CPM: variants seen among roughly 807,000 people sequenced by gnomAD.
CPM encodes renal carboxypeptidase.
In CPM, 35 loss-of-function variants were observed where a neutral mutation model predicts 46.4. The observed-to-expected ratio is 0.75, with a 90% CI of 0.58 to 1.00. The LOEUF (loss-of-function observed/expected upper bound fraction) is 1.00, where lower values mean the gene tolerates loss of function less well. Among genes scored for constraint, CPM ranks in the 50% least tolerant of loss-of-function variants. The probability of loss-of-function intolerance (pLI) is 0.00; values close to 1 mark genes in which losing one functional copy is unlikely to be tolerated. For missense variants in CPM, 422 were observed against 530.4 expected (o/e 0.80, Z 2.01); for synonymous variants, 195 against 195.3 (o/e 1.00, Z 0.01).
At chr12:68,910,987 T>G (rs1246325381) in intron 2 of CPM, among the ~76,000 whole-genome samples, 1 of 152,186 alleles carries the variant, frequency 6.6e-6, no homozygotes, top group East Asian at 1.9e-4. Flanking sequence ...AAATACCTTG[T>G]TTTTCTCTGT....
At chr12:68,865,554 T>C (rs187999530) in intron 7 of CPM, among the ~76,000 whole-genome samples, 1 of 152,162 alleles carries the variant, frequency 6.6e-6, no homozygotes, top group East Asian at 1.9e-4. Flanking sequence ...ATGCAGAAAA[T>C]TCCGGGAATT....
intron 1 of CPM, among the ~76,000 whole-genome samples, chr12:68,958,138 G>A (rs1372043843): frequency 1.3e-5 from 2 of 152,104 alleles, no homozygotes; most frequent in East Asian, 3.8e-4. Flanking sequence ...TGTGAATAGT[G>A]CCGCAATAAA....
At chr12:68,929,478 T>C (rs982703793) in intron 2 of CPM, among the ~76,000 whole-genome samples, 1 of 152,160 alleles carries the variant, frequency 6.6e-6, no homozygotes, top group Non-Finnish European at 1.5e-5. Context: ...CATCAGTACT[T>C]TTTTGCTTCT....
upstream of CPM, among the ~76,000 whole-genome samples, chr12:68,935,636 G>GT (rs35183489): frequency 0.12 from 16,940 of 145,556 alleles, 957 homozygotes; most frequent in Non-Finnish European, 0.12. Context: ...CTTTGAGTAG[G>GT]TTTTTTTTTT....
Position 68,871,895 on chromosome 12 carries a change from T to A in CPM, c.320A>T (p.Asp107Val). ...ATTGATCAGATTTGTGATTTCAGGGTCTTTGCCATCACTGGTTACGAGATA... is the reference window on the plus strand; with the variant it reads ...ATTGATCAGATTTGTGATTTCAGGGACTTTGCCATCACTGGTTACGAGATA... Reference protein sequence around the residue: ...IDYLVTSDGKDPEITNLINST... With the variant: ...IDYLVTSDGKVPEITNLINST... Residue 107 changes from aspartate to valine, a missense_variant, in exon 4 of 9, where the codon GAC becomes GTC. Physicochemically the swap from Asp to Val is radical, Grantham distance 152. Coordinates refer to ENST00000551568, the MANE Select transcript of CPM (RefSeq NM_198320.5). The A allele has an allele frequency of 1.2e-6, 2 of 1,614,066 alleles. No individual in the cohort carries two copies. Among genetic ancestry groups the A allele is most frequent in the Non-Finnish European group, 1.7e-6 (2 of 1,180,010 alleles).
intron 8 of CPM, among the ~76,000 whole-genome samples, chr12:68,858,038 C>A (rs1885050105): frequency 6.6e-6 from 1 of 152,050 alleles, no homozygotes; most frequent in Non-Finnish European, 1.5e-5. Context: ...TGGGGAGAAC[C>A]CATGGAGCAT....
Position 68,871,742 on chromosome 12 carries a change from G to A in CPM, c.431+42C>T, listed in dbSNP as rs1417931313. 5 of 1,607,986 alleles carry A rather than the reference G, an allele frequency of 3.1e-6. No individual in the cohort carries two copies. The East Asian group carries it at 6.7e-5, about 22-fold the overall frequency. On this transcript the variant is annotated intron_variant, in intron 4 of 8. Transcript: ENST00000551568. ...ACAGGTGCCTGTCGGGAGCCTTTGTGTTGTGTTGTTTTCAAGTAAAGATAG... is the reference window on the plus strand; with the variant it reads ...ACAGGTGCCTGTCGGGAGCCTTTGTATTGTGTTGTTTTCAAGTAAAGATAG...
rs148008945 is a variant in CPM, at chr12:68,894,307, C to A, written c.161-8418G>T. Among the ~76,000 whole-genome samples, 596 of 152,266 alleles carry A rather than the reference C, an allele frequency of 3.9e-3. 4 individuals carry two copies. Among genetic ancestry groups the A allele is most frequent in the African/African-American group, 0.014 (562 of 41,542 alleles). ...TCACTGCTAACCTAACGGTGCCTGG[C>A]GCACTGTAGGTTTCAATTAGTATCT... is the stretch of plus-strand genomic sequence containing the variant. On this transcript the variant is annotated intron_variant, in intron 2 of 8. Coordinates refer to ENST00000551568, the MANE Select transcript of CPM (RefSeq NM_198320.5).
At position 68,865,487 on chromosome 12, in the gene CPM, C is replaced by T. The variant is rs371291521; in HGVS notation, c.940+1409G>A. 1.8e-4 allele frequency among the ~76,000 whole-genome samples: 28 copies of T among 152,308 alleles called. No homozygotes were observed. In the East Asian group the frequency reaches 4.1e-3, roughly 22 times the overall value. On this transcript the variant is annotated intron_variant, in intron 7 of 8. Coordinates refer to ENST00000551568, the MANE Select transcript of CPM (RefSeq NM_198320.5). ...CACTCAGCCCTCTGGCCCTGTGCTA[C>T]CTTCCCTCATCCTTCTCCATCTTCT...
chr12:68,872,145 G>A (rs1885729075), intron 3 of CPM, among the ~76,000 whole-genome samples, 189 bp from the exon 4 acceptor site: 1 of 152,132 alleles, frequency 6.6e-6, no homozygotes, highest in South Asian at 2.1e-4. Context: ...GATCAGTCCT[G>A]AGGTATGCTG....
chr12:68,871,547 T>G, intron 4 of CPM: 2 of 512,680 alleles, frequency 3.9e-6, no homozygotes, highest in South Asian at 2.9e-5. Context: ...AGAGAAGGAG[T>G]GGCAAATGAA....
intron 1 of CPM, among the ~76,000 whole-genome samples, chr12:68,962,154 A>T (rs552984504): frequency 1.5e-3 from 230 of 150,724 alleles, no homozygotes; most frequent in Non-Finnish European, 2.2e-3. Flanking sequence ...GAGCCAAGAT[A>T]GCGCCACTGC....
At chr12:68,923,160 A>AGTGTGTGT (rs869087872) in intron 2 of CPM, among the ~76,000 whole-genome samples, 8 of 45,664 alleles carry the variant, frequency 1.8e-4, no homozygotes, top group East Asian at 1.0e-3. Context: ...TTTGATATAG[A>AGTGTGTGT]GTGTGTGTGT....
chr12:68,892,236 A>G (rs1886685301), intron 2 of CPM, among the ~76,000 whole-genome samples: 1 of 152,172 alleles, frequency 6.6e-6, no homozygotes, highest in Non-Finnish European at 1.5e-5. Flanking sequence ...AAACAAAAGA[A>G]ACGTGAACGT....
chr12:68,963,223 C>T (rs777367258), exon 1 of CPM: 44 of 198,846 alleles, frequency 2.2e-4, no homozygotes, highest in Admixed American at 5.6e-4. Flanking sequence ...CTGTCCCATA[C>T]GCAGAAGGAA....
At chr12:68,886,125 T>C (rs1886416456) in intron 2 of CPM, among the ~76,000 whole-genome samples, 1 of 152,182 alleles carries the variant, frequency 6.6e-6, no homozygotes, top group African/African-American at 2.4e-5. Context: ...TAGAATGTGA[T>C]TTTTAAAAGC....
intron 8 of CPM, among the ~76,000 whole-genome samples, chr12:68,857,151 T>C (rs1253139326): frequency 1.3e-5 from 2 of 150,828 alleles, no homozygotes; most frequent in East Asian, 3.8e-4. Flanking sequence ...TTTTCTTTCT[T>C]TCTTTTCTTT....
At chr12:68,920,624 G>T (rs7979694) in intron 2 of CPM, among the ~76,000 whole-genome samples, 12 of 151,810 alleles carry the variant, frequency 7.9e-5, no homozygotes, top group African/African-American at 2.9e-4. Flanking sequence ...GAGTATAGAG[G>T]GGGGAAAAGA....
intron 7 of CPM, 52 bp downstream of exon 7, chr12:68,866,844 C>T: frequency 6.6e-7 from 1 of 1,512,494 alleles, no homozygotes; most frequent in Non-Finnish European, 9.1e-7. Context: ...AGAGGTCTTG[C>T]CAGATGCTCT....
Sources: gnomAD v4.1 joint callset for allele counts (sites outside exome capture counted in the v4.1 genomes callset) on GRCh38, gnomAD v4.1.1 for gene constraint, MANE v1.5 for transcripts, NCBI Gene and HGNC (gene_info 2026-07-23, HGNC 2026-07-21) for gene names.